Variants in PREX2 observed in about 807,000 individuals in gnomAD.
PREX2 encodes the protein phosphatidylinositol-3,4,5-trisphosphate dependent Rac exchange factor 2.
PREX2 carries 107 observed loss-of-function variants against 203.2 expected under a neutral mutation model. The observed-to-expected ratio is 0.53, with a 90% confidence interval of 0.45 to 0.62. PREX2 has a LOEUF of 0.62. PREX2 is among the 20% of genes least tolerant of loss of function. The pLI is 0.00. For synonymous variants in PREX2, 672 were observed against 663.6 expected (o/e 1.01, Z -0.19); for missense variants, 1,777 against 1,955.9 (o/e 0.91, Z 1.72).
chr8:68,008,218 G>T (rs1262919515), intron 1 of PREX2, among the ~76,000 whole-genome samples: 3 of 152,196 alleles, frequency 2.0e-5, no homozygotes, highest in Non-Finnish European at 4.4e-5. Context: ...GTTTCAAATA[G>T]TAAATTCTAA....
At chr8:68,048,259 T>C (rs1236443374) in intron 8 of PREX2, among the ~76,000 whole-genome samples, 1 of 152,066 alleles carries the variant, frequency 6.6e-6, no homozygotes, top group Non-Finnish European at 1.5e-5. Flanking sequence ...CTATTGAACT[T>C]CCTAGAATTA....
chr8:68,226,005 C>T (rs1813049660), intron 39 of PREX2, among the ~76,000 whole-genome samples: 1 of 151,858 alleles, frequency 6.6e-6, no homozygotes, highest in Admixed American at 6.6e-5. Flanking sequence ...GCAAGCTGAA[C>T]ACAAGAAAAG....
chr8:68,000,235 C>G (rs1806900935), intron 1 of PREX2, among the ~76,000 whole-genome samples: 1 of 152,180 alleles, frequency 6.6e-6, no homozygotes, highest in African/African-American at 2.4e-5. Context: ...AGCGGATAAA[C>G]AATTTTAGCA....
intron 37 of PREX2, among the ~76,000 whole-genome samples, chr8:68,199,650 A>G (rs2129614859): frequency 6.6e-6 from 1 of 152,338 alleles, no homozygotes; most frequent in South Asian, 2.1e-4. Context: ...ATGAAGATGA[A>G]CAGTATAATG....
At chr8:68,103,672 A>G (rs1176539934) in intron 23 of PREX2, 1 of 519,406 alleles carries the variant, frequency 1.9e-6, no homozygotes. Flanking sequence ...ATTTTGCCAA[A>G]GTCTATTGAC....
At chr8:67,985,065 C>A (rs1806378417) in intron 1 of PREX2, among the ~76,000 whole-genome samples, 1 of 151,846 alleles carries the variant, frequency 6.6e-6, no homozygotes, top group Non-Finnish European at 1.5e-5. Context: ...AGCAACATGA[C>A]ATAGAAGCAG....
At chr8:68,084,168 A>T (rs1482316270) in intron 18 of PREX2, among the ~76,000 whole-genome samples, 1 of 152,078 alleles carries the variant, frequency 6.6e-6, no homozygotes. Context: ...GTATTTCCTT[A>T]TCATATTTAC....
chr8:68,041,225 C>G (rs1808187708), intron 7 of PREX2, among the ~76,000 whole-genome samples: 1 of 152,046 alleles, frequency 6.6e-6, no homozygotes, highest in African/African-American at 2.4e-5. Flanking sequence ...AAACTATAGT[C>G]AAATATTTTC....
At chr8:68,170,652 G>C (rs1811858779) in intron 35 of PREX2, among the ~76,000 whole-genome samples, 1 of 152,202 alleles carries the variant, frequency 6.6e-6, no homozygotes, top group South Asian at 2.1e-4. Context: ...AAGAGTAACA[G>C]CATGTAAAGT....
At position 68,225,604 on chromosome 8, in the gene PREX2, T is replaced by C. The variant is rs948076832; in HGVS notation, c.4775+978T>C. On this transcript the variant is annotated intron_variant, in intron 39 of 39. Transcript: ENST00000288368. ...GCATTTGTGAAGTAATATTTCATTC[T>C]GAAAAACCATGTGGGTAGTGAAAGT... is the stretch of plus-strand genomic sequence containing the variant. 3.3e-5 allele frequency among the ~76,000 whole-genome samples: 5 copies of C among 152,342 alleles called. No homozygotes were observed. The East Asian group carries it at 9.7e-4, about 29-fold the overall frequency.
chr8:68,021,954 A>C, intron 3 of PREX2, 82 bp from the exon 4 acceptor site: 1 of 712,120 alleles, frequency 1.4e-6, no homozygotes, highest in Non-Finnish European at 2.6e-6. Flanking sequence ...ACACTCAGTG[A>C]AGTTTCTTTA....
At chr8:68,105,983 G>A in intron 23 of PREX2, 1 of 165,940 alleles carries the variant, frequency 6.0e-6, no homozygotes, top group Non-Finnish European at 1.3e-5. Context: ...CCTAGTAATT[G>A]CAATAAACAA....
intron 37 of PREX2, among the ~76,000 whole-genome samples, chr8:68,195,435 A>C (rs777779635): frequency 4.3e-4 from 66 of 152,364 alleles, no homozygotes; most frequent in Non-Finnish European, 8.1e-4. Context: ...AAAATTGTAT[A>C]GTTTTATTTT....
At chr8:68,049,517 T>C (rs566275241) in intron 8 of PREX2, among the ~76,000 whole-genome samples, 1 of 152,174 alleles carries the variant, frequency 6.6e-6, no homozygotes, top group Non-Finnish European at 1.5e-5. Flanking sequence ...TATGAAACTG[T>C]ACTGAAATAA....
At chr8:68,214,936 A>G (rs1812804720) in intron 37 of PREX2, among the ~76,000 whole-genome samples, 2 of 152,204 alleles carry the variant, frequency 1.3e-5, no homozygotes, top group Admixed American at 1.3e-4. Flanking sequence ...TGGAAGATAC[A>G]TAATGGTTAG....
intron 15 of PREX2, among the ~76,000 whole-genome samples, chr8:68,079,921 A>G (rs1373740127): frequency 1.3e-5 from 2 of 152,186 alleles, no homozygotes; most frequent in African/African-American, 4.8e-5. Flanking sequence ...ATCACATTTA[A>G]CCCAGAAGGC....
Position 68,044,544 on chromosome 8 carries a change from G to T in PREX2, c.897G>T (p.Arg299=). The change falls in exon 8 of 40, where the codon CGG becomes CGT. Residue 299 remains arginine, a synonymous_variant. Transcript: ENST00000288368. The stretch of plus-strand genomic sequence containing the variant: ...GACATCGGTACCTTTTTCGTGGCCG[G>T]ATCAACACGGAGGTGATGGAAGTGG... ...TDGHRYLFRG[R]INTEVMEVEN... The T allele has an allele frequency of 6.2e-7, 1 of 1,613,166 alleles. No individual in the cohort carries two copies. The highest frequency in any genetic ancestry group is 1.3e-5 in the African/African-American group (1 of 74,978).
intron 30 of PREX2, among the ~76,000 whole-genome samples, chr8:68,123,588 T>C (rs1488597767): frequency 6.6e-6 from 1 of 151,866 alleles, no homozygotes; most frequent in Non-Finnish European, 1.5e-5. Context: ...CACATAACTA[T>C]CATGTTATGT....
At chr8:67,986,997 CAAAA>C (rs1003152307) in intron 1 of PREX2, among the ~76,000 whole-genome samples, 29 of 151,644 alleles carry the variant, frequency 1.9e-4, no homozygotes, top group Admixed American at 1.9e-3. Flanking sequence ...ACTAAAAATA[CAAAA>C]AATTAGCCGG....
Sources: gnomAD v4.1 joint callset for allele counts (sites outside exome capture counted in the v4.1 genomes callset) on GRCh38, gnomAD v4.1.1 for gene constraint, MANE v1.5 for transcripts, NCBI Gene and HGNC (gene_info 2026-07-23, HGNC 2026-07-21) for gene names.